Variants in SAMSN1 observed in about 807,000 individuals in gnomAD.
SAMSN1 encodes the protein SAM domain, SH3 domain and nuclear localization signals 1.
In SAMSN1, 31 loss-of-function variants were observed where a neutral mutation model predicts 42.0. The observed-to-expected ratio is 0.74, with a 90% CI of 0.55 to 1.00. SAMSN1 has a LOEUF of 1.00. SAMSN1 is among the 50% of genes least tolerant of loss of function. SAMSN1 has a pLI of 0.00. For missense variants in SAMSN1, 464 were observed against 439.4 expected, an observed-to-expected ratio of 1.06 and a Z score of -0.50; for synonymous variants, 178 against 151.9, an observed-to-expected ratio of 1.17 and a Z score of -1.26.
At chr21:14,544,660 AT>A (rs550296380) in intron 1 of SAMSN1, among the ~76,000 whole-genome samples, 4 of 152,012 alleles carry the variant, frequency 2.6e-5, no homozygotes, top group South Asian at 2.1e-4. Flanking sequence ...TTTTTTCAAA[AT>A]TTTTTTTATT....
chr21:14,655,896 T>G (rs1401299992), intron 1 of SAMSN1, among the ~76,000 whole-genome samples: 1 of 151,790 alleles, frequency 6.6e-6, no homozygotes, highest in Non-Finnish European at 1.5e-5. Flanking sequence ...TCAGCAAAAT[T>G]ATTTATTTGG....
At chr21:14,497,655 T>A (rs1344539299) in intron 7 of SAMSN1, among the ~76,000 whole-genome samples, 1 of 152,178 alleles carries the variant, frequency 6.6e-6, no homozygotes, top group Non-Finnish European at 1.5e-5. Context: ...TAGAGAAGGC[T>A]GGATTTGATT....
At chr21:14,632,533 AATTGTAATACAAATAAT>A (rs1198989964) in intron 2 of SAMSN1, among the ~76,000 whole-genome samples, 4 of 152,216 alleles carry the variant, frequency 2.6e-5, no homozygotes, top group African/African-American at 9.7e-5. Context: ...TTATTTGTAT[AATTGTAATACAAATAAT>A]ATTGTAATAC....
At chr21:14,645,709 C>T (rs944983239) in intron 1 of SAMSN1, among the ~76,000 whole-genome samples, 4 of 152,170 alleles carry the variant, frequency 2.6e-5, no homozygotes, top group African/African-American at 9.7e-5. Flanking sequence ...GATATGTGAC[C>T]TTTCAGATAA....
chr21:14,612,003 G>A (rs1982721437), intron 4 of SAMSN1, among the ~76,000 whole-genome samples: 1 of 152,130 alleles, frequency 6.6e-6, no homozygotes, highest in African/African-American at 2.4e-5. Flanking sequence ...GAGAGGTCGA[G>A]GCAGGCGGAT....
intron 2 of SAMSN1, among the ~76,000 whole-genome samples, chr21:14,620,059 G>A (rs1180023598): frequency 6.6e-6 from 1 of 152,138 alleles, no homozygotes; most frequent in Non-Finnish European, 1.5e-5. Context: ...TCTATGGCCT[G>A]TTTCAGGGGA....
intron 1 of SAMSN1, among the ~76,000 whole-genome samples, chr21:14,524,818 A>G (rs1369312323): frequency 1.3e-5 from 2 of 152,224 alleles, no homozygotes; most frequent in Non-Finnish European, 2.9e-5. Context: ...AACCTCTAGC[A>G]TACAGTGTAA....
At chr21:14,506,489 A>G (rs1343778684) in intron 5 of SAMSN1, among the ~76,000 whole-genome samples, 2 of 152,192 alleles carry the variant, frequency 1.3e-5, no homozygotes, top group African/African-American at 4.8e-5. Flanking sequence ...CCTAGCTTAA[A>G]TCAGGAAAAA....
In SAMSN1 at chr21:14,576,812, T is replaced by C. The variant is rs530566139; in HGVS notation, c.261+5324A>G. On this transcript the variant is annotated intron_variant, in intron 2 of 8. Coordinates refer to the SAMSN1 transcript ENST00000285670. Reference sequence around the variant, plus strand: ...ACTCATTTTTCTTTGATTTTTGTTATATGATTCTGTCTCTCACTATTACAA... The same window carrying C: ...ACTCATTTTTCTTTGATTTTTGTTACATGATTCTGTCTCTCACTATTACAA... Among the ~76,000 whole-genome samples, 26 of 152,302 alleles carry C rather than the reference T, an allele frequency of 1.7e-4. 2 individuals carry two copies. Among genetic ancestry groups the C allele is most frequent in the African/African-American group, 5.3e-4 (22 of 41,576 alleles).
intron 2 of SAMSN1, among the ~76,000 whole-genome samples, chr21:14,579,366 T>G (rs1056566860): frequency 4.6e-5 from 7 of 151,870 alleles, no homozygotes; most frequent in African/African-American, 1.5e-4. Context: ...ACTACCTAAA[T>G]AAAAAAGAAA....
In SAMSN1 at chr21:14,516,643, C is replaced by T. The variant is rs550792089; in HGVS notation, c.279+249G>A. Among the ~76,000 whole-genome samples, 50 of 152,236 alleles carry T rather than the reference C, an allele frequency of 3.3e-4. No homozygotes were observed. The East Asian group carries it at 5.2e-3, about 16-fold the overall frequency. ...CTGACTTCAGGTGATCTTCCCGCCA[C>T]GGCCTCCAAAGTGCTCGGATTACAG... On this transcript the variant is annotated intron_variant, in intron 3 of 7. Transcript: ENST00000400566.
intron 1 of SAMSN1, among the ~76,000 whole-genome samples, chr21:14,531,079 A>T (rs1261564878): frequency 6.6e-6 from 1 of 152,124 alleles, no homozygotes; most frequent in Non-Finnish European, 1.5e-5. Context: ...CAAATAAATA[A>T]TTCTGCCTAA....
rs562527821 is a variant in SAMSN1, at chr21:14,602,256, T to C, written c.323-157A>G. ...TTTTGTTAAATATATGCTATTTTTC[T>C]TTTTTTTTAACAAGAAACAGATCAA... On this transcript the variant is annotated intron_variant, in intron 5 of 15. Coordinates refer to the SAMSN1 transcript ENST00000647101. 8.7e-5 allele frequency among the ~76,000 whole-genome samples: 12 copies of C among 138,356 alleles called. 1 individual carries two copies. The highest frequency in any genetic ancestry group is 3.4e-4 in the African/African-American group (12 of 35,538). The allele number at this position is 138,356 out of a possible 152,430, so 90.8% of individuals were successfully genotyped here.
chr21:14,496,842 C>T (rs1238239658), intron 7 of SAMSN1, among the ~76,000 whole-genome samples: 1 of 152,112 alleles, frequency 6.6e-6, no homozygotes, highest in Non-Finnish European at 1.5e-5. Flanking sequence ...TGTGAAAGCT[C>T]TTGGAAAAGG....
At chr21:14,561,677 C>T (rs772827415) in intron 2 of SAMSN1, among the ~76,000 whole-genome samples, 8 of 152,144 alleles carry the variant, frequency 5.3e-5, no homozygotes, top group Non-Finnish European at 7.4e-5. Flanking sequence ...TTTGGAAATA[C>T]GATTGTTGCC....
intron 1 of SAMSN1, among the ~76,000 whole-genome samples, chr21:14,643,340 C>T (rs1031599200): frequency 6.6e-6 from 1 of 152,146 alleles, no homozygotes; most frequent in Admixed American, 6.5e-5. Context: ...ACTATTACCA[C>T]CATTATTACA....
At chr21:14,606,242 C>A (rs1399315611) in intron 5 of SAMSN1, among the ~76,000 whole-genome samples, 1 of 152,172 alleles carries the variant, frequency 6.6e-6, no homozygotes, top group Admixed American at 6.5e-5. Flanking sequence ...CCTCACTTCC[C>A]TTACTAACAT....
intron 7 of SAMSN1, among the ~76,000 whole-genome samples, chr21:14,590,537 C>A (rs1477147450): frequency 6.6e-6 from 1 of 152,146 alleles, no homozygotes; most frequent in East Asian, 1.9e-4. Flanking sequence ...CCTGCTTCAG[C>A]CTCCCAAAGT....
At chr21:14,513,760 C>G (rs1392766178) in intron 3 of SAMSN1, among the ~76,000 whole-genome samples, 1 of 152,100 alleles carries the variant, frequency 6.6e-6, no homozygotes, top group African/African-American at 2.4e-5. Context: ...TTATGTGAAG[C>G]TTTGGAGACA....
Sources: allele counts gnomAD v4.1 joint callset (sites outside exome capture counted in the v4.1 genomes callset), GRCh38; gene constraint gnomAD v4.1.1; transcripts MANE v1.5; gene names NCBI Gene and HGNC (gene_info 2026-07-23, HGNC 2026-07-21).